The following EPPK1 variants were observed in gnomAD, a reference collection of about 807,000 sequenced individuals.
The protein encoded by EPPK1 is epiplakin.
For missense variants in EPPK1, 3,823 were observed against 3,673.3 expected, an observed-to-expected ratio of 1.04 and a Z score of -1.05; for synonymous variants, 1,862 against 1,721.2, an observed-to-expected ratio of 1.08 and a Z score of -2.03.
rs1818927079 is a variant in EPPK1, at chr8:143,857,904, A to C, written c.*83T>G. Reference sequence around the variant, plus strand: ...ACAAAATTAAAGAATGACAAAAAAAAAAAAAAAAAAAAAAACAACCCAGAC... The same window carrying C: ...ACAAAATTAAAGAATGACAAAAAAACAAAAAAAAAAAAAAACAACCCAGAC... On this transcript the variant is annotated 3_prime_UTR_variant, in exon 2 of 2. Coordinates refer to ENST00000615648, the MANE Select transcript of EPPK1 (RefSeq NM_031308.4). 1 of 762,556 alleles carries C rather than the reference A, an allele frequency of 1.3e-6. No homozygotes were observed. Among genetic ancestry groups the C allele is most frequent in the East Asian group, 3.0e-5 (1 of 33,892 alleles). The allele number at this position is 762,556 out of a possible 1,614,324, so 47.2% of individuals were successfully genotyped here.
Position 143,871,545 on chromosome 8 carries a change from C to G in EPPK1, c.1709G>C (p.Gly570Ala), listed in dbSNP as rs782724282. Residue 570 changes from glycine (G) to alanine (A), a missense_variant, in exon 2 of 2, where the codon GGA becomes GCA. Transcript: ENST00000615648. Reference protein sequence around the residue: ...FSGLRDTVTPGELLKAEIIDQ... With the variant: ...FSGLRDTVTPAELLKAEIIDQ... ...GATGATCTCGGCTTTCAGCAGCTCT[C>G]CTGGTGTCACGGTGTCCCTCAGCCC... 2.5e-6 allele frequency: 4 copies of G among 1,610,218 alleles called. No homozygotes were observed. In the South Asian group the frequency reaches 3.3e-5, roughly 13 times the overall value.
rs373838153 is a variant in EPPK1 at position 143,869,345 on chromosome 8, C to T, written c.3909G>A (p.Ala1303=). 336 of 1,610,142 alleles carry T rather than the reference C, an allele frequency of 2.1e-4. 1 individual carries two copies. The African/African-American group carries it at 2.2e-3, about 11-fold the overall frequency. The change falls in exon 2 of 2, where the codon GCG becomes GCA. Residue 1303 remains alanine, a synonymous_variant. Coordinates refer to ENST00000615648, the MANE Select transcript of EPPK1 (RefSeq NM_031308.4). ...LNNQRLSVED[A]VKVGLVGREL... is the part of the protein sequence containing the mutation. ...CCCTGCCCACCAGGCCGACCTTAACCGCGTCCTCCACTGACAGTCTCTGGT... is the reference window on the plus strand; with the variant it reads ...CCCTGCCCACCAGGCCGACCTTAACTGCGTCCTCCACTGACAGTCTCTGGT...
rs1554659703 is a variant in EPPK1 at position 143,867,978 on chromosome 8, A to G, written c.5276T>C (p.Ile1759Thr). 1.2e-6 allele frequency: 2 copies of G among 1,613,276 alleles called. No individual in the cohort carries two copies. Among genetic ancestry groups the G allele is most frequent in the Non-Finnish European group, 1.7e-6 (2 of 1,179,902 alleles). ...CACGTAGTTTTCTCCTTTCTTTATG[A>G]TTTGTAGCAGGTACAGGCCCGTCTC... ...DPETGLYLLQ[I>T]IKKGENYVYI... Residue 1759 changes from isoleucine (I) to threonine (T), a missense_variant, in exon 2 of 2, where the codon ATC becomes ACC. Transcript: ENST00000615648.
At position 143,871,966 on chromosome 8, in the gene EPPK1, G is replaced by A. The variant is rs201368120; in HGVS notation, c.1288C>T (p.Arg430Trp). 5.3e-5 allele frequency: 84 copies of A among 1,597,598 alleles called. 1 individual carries two copies. The Middle Eastern group carries it at 2.1e-3, about 39-fold the overall frequency. The change falls in exon 2 of 2, where the codon CGG becomes TGG. Residue 430 changes from arginine to tryptophan, a missense_variant. Physicochemically the swap from Arg to Trp is moderately radical, Grantham distance 101 (BLOSUM62 -3). Transcript: ENST00000615648. ...AAGCTGCCAGCCTGCGAGAGCTGCC[G>A]CTGAGTGTCTTCATCCAGGCAGCCG... is the stretch of plus-strand genomic sequence containing the variant. ...RCGCLDEDTQ[R>W]QLSQAGSFSD...
rs782033531 is a variant in EPPK1, at chr8:143,867,213, C to G, written c.6041G>C (p.Gly2014Ala). ...GTGGTGCTGTGGGTCGATGACACCC[C>G]CCGTGGCCACCTGCACCTCCAGCAG... Reference protein sequence around the residue: ...LRLLEVQVATGGVIDPQHHHR... With the variant: ...LRLLEVQVATAGVIDPQHHHR... The change falls in exon 2 of 2, where the codon GGG (glycine) becomes GCG (alanine). Residue 2014 changes from glycine to alanine, a missense_variant. Gly to Ala is a moderately conservative substitution (Grantham distance 60). Transcript: ENST00000615648. 6 of 1,612,652 alleles carry G rather than the reference C, an allele frequency of 3.7e-6. No individual in the cohort carries two copies. Among genetic ancestry groups the G allele is most frequent in the African/African-American group, 1.3e-5 (1 of 74,922 alleles).
In EPPK1 at chr8:143,869,070, G is replaced by A; in HGVS notation, c.4184C>T (p.Ala1395Val). 6.2e-7 allele frequency: 1 copy of A among 1,608,514 alleles called. No individual in the cohort carries two copies. The highest frequency in any genetic ancestry group is 1.1e-5 in the South Asian group (1 of 91,076). Residue 1395 changes from alanine to valine, a missense_variant, in exon 2 of 2, where the codon GCA becomes GTA. Transcript: ENST00000615648. ...LDTQTSQVLT[A>V]VDKDNKFFFD... ...GAAGAACTTGTTGTCCTTGTCAACT[G>A]CAGTCAGCACCTGGCTCGTCTGTGT...
At position 143,872,251 on chromosome 8, in the gene EPPK1, G is replaced by A. The variant is rs781917927; in HGVS notation, c.1003C>T (p.Gln335Ter). The A allele has an allele frequency of 1.2e-6, 2 of 1,609,608 alleles. No homozygotes were observed. The highest frequency in any genetic ancestry group is 8.5e-7 in the Non-Finnish European group (1 of 1,178,514). ...ACTGCCTCGTCTACCCACAGCCGCT[G>A]GCCTGTGATGGGGTCCACCAGGGTG... ...THTLVDPITGQRLWVDEAVRA... is the reference protein window; with the variant it reads ...THTLVDPITG Residue 335 changes from glutamine to a stop codon, truncating the protein, a stop_gained, in exon 2 of 2, where the codon CAG becomes TAG. Transcript: ENST00000615648. LOFTEE classifies it low-confidence loss of function (END_TRUNC).
rs1477733044 is a variant in EPPK1, at chr8:143,867,734, C to T, written c.5520G>A (p.Thr1840=). ...IITTTIEETE[T]QNQGIKVAAI... ...CCGCCACTTTGATGCCTTGGTTTTG[C>T]GTCTCTGTTTCTTCAATTGTCGTGG... Residue 1840 remains threonine, a synonymous_variant, in exon 2 of 2, where the codon ACG becomes ACA. Coordinates refer to ENST00000615648, the MANE Select transcript of EPPK1 (RefSeq NM_031308.4). 1.4e-5 allele frequency: 22 copies of T among 1,613,628 alleles called. No homozygotes were observed. Among genetic ancestry groups the T allele is most frequent in the African/African-American group, 1.2e-4 (9 of 74,896 alleles).
Position 143,858,001 on chromosome 8 carries a change from GAGAA to G in EPPK1, c.15249_15252del (p.Ser5086TyrfsTer51). On this transcript the variant is annotated frameshift_variant, in exon 2 of 2. Transcript: ENST00000615648. LOFTEE classifies it high-confidence loss of function. ...AGGAAGCCCAGTCACTGTAGAGAGA[GAGAA>G]AGAAATAGGAGCCCCGTCTCAGGGT... The G allele has an allele frequency of 6.2e-7, 1 of 1,605,030 alleles. No homozygotes were observed.
rs1306615887 is a variant in EPPK1, at chr8:143,865,430, C to G, written c.7824G>C (p.Ser2608=). 2 of 248,406 alleles carry G rather than the reference C, an allele frequency of 8.1e-6. No individual in the cohort carries two copies. The highest frequency in any genetic ancestry group is 1.3e-5 in the Non-Finnish European group (2 of 157,134). 15.4% of individuals were successfully genotyped at this position (248,406 alleles called of 1,614,324 possible). ...PGPAGRGDGD[S]GRSQREGQGE... Reference sequence around the variant, plus strand: ...CCTGGCCCTCTCGCTGGGAGCGCCCCGAGTCGCCGTCCCCTCGCCCGGCTG... The same window carrying G: ...CCTGGCCCTCTCGCTGGGAGCGCCCGGAGTCGCCGTCCCCTCGCCCGGCTG... The change falls in exon 2 of 2, where the codon TCG becomes TCC. Residue 2608 remains serine (S), a synonymous_variant. Coordinates refer to ENST00000615648, the MANE Select transcript of EPPK1 (RefSeq NM_031308.4).
Position 143,867,436 on chromosome 8 carries a change from G to T in EPPK1, c.5818C>A (p.Leu1940Ile), listed in dbSNP as rs1254171352. Residue 1940 changes from leucine to isoleucine, a missense_variant, in exon 2 of 2, where the codon CTC becomes ATC. Coordinates refer to ENST00000615648, the MANE Select transcript of EPPK1 (RefSeq NM_031308.4). ...LLEAQAATGF[L>I]LDPCTRQKLS... Reference sequence around the variant, plus strand: ...TTCTGGCGGGTGCAGGGGTCCAGGAGGAACCCGGTGGCGGCCTGCGCCTCC... The same window carrying T: ...TTCTGGCGGGTGCAGGGGTCCAGGATGAACCCGGTGGCGGCCTGCGCCTCC... 1.9e-6 allele frequency: 3 copies of T among 1,612,700 alleles called. No homozygotes were observed. The highest frequency in any genetic ancestry group is 1.7e-6 in the Non-Finnish European group (2 of 1,179,850).
rs535599981 is a variant in EPPK1 at position 143,874,915 on chromosome 8, C to T, written c.-45-1617G>A. On this transcript the variant is annotated intron_variant, in intron 1 of 1. Coordinates refer to ENST00000615648, the MANE Select transcript of EPPK1 (RefSeq NM_031308.4). Reference sequence around the variant, plus strand: ...CCGCTCTTGAGGCAGCCACCACCCCCGGCTGCCAAACTCGACAAATGCATT... The same window carrying T: ...CCGCTCTTGAGGCAGCCACCACCCCTGGCTGCCAAACTCGACAAATGCATT... Among the ~76,000 whole-genome samples the T allele has an allele frequency of 3.9e-5, 6 of 152,286 alleles. No individual in the cohort carries two copies. The South Asian group carries it at 8.3e-4, about 21-fold the overall frequency.
Position 143,867,493 on chromosome 8 carries a change from G to A in EPPK1, c.5761C>T (p.Leu1921Phe). 6.2e-7 allele frequency: 1 copy of A among 1,612,690 alleles called. No individual in the cohort carries two copies. Among genetic ancestry groups the A allele is most frequent in the Non-Finnish European group, 8.5e-7 (1 of 1,179,846 alleles). Residue 1921 changes from leucine to phenylalanine, a missense_variant, in exon 2 of 2, where the codon CTC (leucine) becomes TTC (phenylalanine). By Grantham distance (22) the Leu-to-Phe change is conservative. Coordinates refer to ENST00000615648, the MANE Select transcript of EPPK1 (RefSeq NM_031308.4). ...CAAGTCGCAAATGCTGCAGGGATGA[G>A]CTCCTTCCTGCTGGCCTCATGGAGG... is the stretch of plus-strand genomic sequence containing the variant. ...MSLHEASRKE[L>F]IPAAFATWLL...
rs781986524 is a variant in EPPK1 at position 143,870,355 on chromosome 8, G to T, written c.2899C>A (p.Gln967Lys). 4 of 1,561,626 alleles carry T rather than the reference G, an allele frequency of 2.6e-6. No homozygotes were observed. The highest frequency in any genetic ancestry group is 2.3e-5 in the South Asian group (2 of 86,926). The change falls in exon 2 of 2, where the codon CAG becomes AAG. Residue 967 changes from glutamine to lysine, a missense_variant. Physicochemically the swap from Gln to Lys is moderately conservative, Grantham distance 53. Coordinates refer to ENST00000615648, the MANE Select transcript of EPPK1 (RefSeq NM_031308.4). The surrounding 1 kb of genome is among the most constrained non-coding windows in gnomAD (Gnocchi z 5.2). ...TCCATGATGGTTCCGGTGGCCGCCTGGGCCTCCAGCAGGGCCAGGGCCACC... is the reference window on the plus strand; with the variant it reads ...TCCATGATGGTTCCGGTGGCCGCCTTGGCCTCCAGCAGGGCCAGGGCCACC... ...PRVALALLEA[Q>K]AATGTIMDPH...
At chr8:143,875,824 G>C (rs2130659095) in intron 1 of EPPK1, among the ~76,000 whole-genome samples, 1 of 152,328 alleles carries the variant, frequency 6.6e-6, no homozygotes, top group East Asian at 1.9e-4. Flanking sequence ...ACGCCTTGCA[G>C]GCTAGGGCAC....
At chr8:143,875,552 G>T (rs539230496) in intron 1 of EPPK1, among the ~76,000 whole-genome samples, 1 of 152,288 alleles carries the variant, frequency 6.6e-6, no homozygotes, top group African/African-American at 2.4e-5. Flanking sequence ...GTGTCAGGTG[G>T]CTGGGAAGAC....
chr8:143,867,314 A>G lies in EPPK1; in HGVS notation c.5940T>C (p.Asp1980=), dbSNP rs375347181. 6 of 1,612,332 alleles carry G rather than the reference A, an allele frequency of 3.7e-6. No homozygotes were observed. The highest frequency in any genetic ancestry group is 5.1e-6 in the Non-Finnish European group (6 of 1,179,694). ...GCGGGATCGTGTCTCCTGTGGCCGG[A>G]TCCCTGTAGCCCGTGGCAGCTCTTT... ...KAERAATGYR[D]PATGDTIPLF... is the part of the protein sequence containing the mutation. The change falls in exon 2 of 2, where the codon GAT becomes GAC. Residue 1980 remains aspartate, a synonymous_variant. Transcript: ENST00000615648.
In EPPK1 at chr8:143,865,953, G is replaced by A; in HGVS notation, c.7301C>T (p.Ala2434Val). The A allele has an allele frequency of 1.0e-5, 1 of 100,274 alleles. No homozygotes were observed. Among genetic ancestry groups the A allele is most frequent in the Admixed American group, 2.5e-4 (1 of 4,038 alleles). 6.2% of individuals were successfully genotyped at this position (100,274 alleles called of 1,614,324 possible). A position where few individuals can be genotyped will look rare whatever the true frequency, so the allele number is the denominator to read the frequency against. Reference sequence around the variant, plus strand: ...TGGCGTCACGCGGGCGTCGCGCAGGGCACAGCGCAGCTCCTCGCTCAGCTG... The same window carrying A: ...TGGCGTCACGCGGGCGTCGCGCAGGACACAGCGCAGCTCCTCGCTCAGCTG... Reference protein sequence around the residue: ...VHQLSEELRCALRDARVTPGS... With the variant: ...VHQLSEELRCVLRDARVTPGS... The change falls in exon 2 of 2, where the codon GCC becomes GTC. Residue 2434 changes from alanine to valine, a missense_variant. Coordinates refer to ENST00000615648, the MANE Select transcript of EPPK1 (RefSeq NM_031308.4).
rs1586689950 is a variant in EPPK1, at chr8:143,867,990, T to C, written c.5264A>G (p.Tyr1755Cys). 5.6e-6 allele frequency: 9 copies of C among 1,613,674 alleles called. No homozygotes were observed. The highest frequency in any genetic ancestry group is 2.7e-5 in the African/African-American group (2 of 75,034). ...RCVEDPETGLYLLQIIKKGEN... is the reference protein window; with the variant it reads ...RCVEDPETGLCLLQIIKKGEN... ...TCCTTTCTTTATGATTTGTAGCAGG[T>C]ACAGGCCCGTCTCGGGGTCCTCCAC... The change falls in exon 2 of 2, where the codon TAC becomes TGC. Residue 1755 changes from tyrosine (Y) to cysteine (C), a missense_variant. Coordinates refer to ENST00000615648, the MANE Select transcript of EPPK1 (RefSeq NM_031308.4).
Sources: gnomAD v4.1 joint callset for allele counts (sites outside exome capture counted in the v4.1 genomes callset) on GRCh38, gnomAD v4.1.1 for gene constraint, Gnocchi (gnomAD v3.1) non-coding constraint, MANE v1.5 for transcripts, NCBI Gene and HGNC (gene_info 2026-07-23, HGNC 2026-07-21) for gene names.